Variants in CADPS2 observed in about 807,000 individuals in gnomAD.
CADPS2 encodes calcium dependent secretion activator 2, also known as calcium-dependent secretion activator 2.
A neutral mutation model predicts 172.5 loss-of-function variants in CADPS2; 93 were observed. The ratio of observed to expected loss-of-function variants is 0.54; its 90% CI spans 0.46 to 0.64. CADPS2 has a LOEUF of 0.64. Among genes scored for constraint, CADPS2 ranks in the 30% least tolerant of loss-of-function variants. The probability of loss-of-function intolerance (pLI) is 0.00; values close to 1 mark genes in which losing one functional copy is unlikely to be tolerated. For synonymous variants in CADPS2, 546 were observed against 555.2 expected, an observed-to-expected ratio of 0.98 and a Z score of 0.23; for missense variants, 1,420 against 1,565.9, an observed-to-expected ratio of 0.91 and a Z score of 1.57.
rs1435297422 is a variant in CADPS2 at position 122,681,286 on chromosome 7, G to A, written c.454-17717C>T. ...TAAAACTTAAAGTATAATAATAAAA[G>A]AAAGAGCTCTCCGGTCCGTGCCTCC... On this transcript the variant is annotated intron_variant, in intron 2 of 29. Transcript: ENST00000449022. 7 of 905,968 alleles carry A rather than the reference G, an allele frequency of 7.7e-6. No individual in the cohort carries two copies. The East Asian group carries it at 1.7e-4, about 22-fold the overall frequency. The allele number at this position is 905,968 out of a possible 1,614,324, so 56.1% of individuals were successfully genotyped here.
chr7:122,720,495 T>C (rs181005181), intron 2 of CADPS2, among the ~76,000 whole-genome samples: 2 of 151,226 alleles, frequency 1.3e-5, no homozygotes, highest in African/African-American at 4.8e-5. Context: ...TATATGTATA[T>C]GTATATACGT....
At chr7:122,532,040 A>C (rs34434974) in intron 8 of CADPS2, among the ~76,000 whole-genome samples, 30,451 of 151,760 alleles carry the variant, frequency 0.2, 3,283 homozygotes, top group East Asian at 0.34. Context: ...CAAAAAAAAA[A>C]AAAACAAAAC....
chr7:122,702,459 C>T (rs1389041967), intron 2 of CADPS2: 1 of 1,613,752 alleles, frequency 6.2e-7, no homozygotes, highest in Non-Finnish European at 8.5e-7. Context: ...CATGAGTCTG[C>T]CTGTTTGGGC....
intron 1 of CADPS2, among the ~76,000 whole-genome samples, chr7:122,839,055 A>T (rs1217528010): frequency 6.6e-6 from 1 of 152,228 alleles, no homozygotes; most frequent in Non-Finnish European, 1.5e-5. Flanking sequence ...TCACCAAAAC[A>T]GCACGGTGCT....
At position 122,681,063 on chromosome 7, in the gene CADPS2, G is replaced by C. The variant is rs1339690580; in HGVS notation, c.454-17494C>G. Among the ~76,000 whole-genome samples the C allele has an allele frequency of 2.0e-5, 3 of 148,404 alleles. No individual in the cohort carries two copies. The East Asian group carries it at 6.1e-4, about 30-fold the overall frequency. On this transcript the variant is annotated intron_variant, in intron 2 of 29. Coordinates refer to ENST00000449022, the MANE Select transcript of CADPS2 (RefSeq NM_017954.11). ...CAAACACCGCATATTCTCACTCATA[G>C]GTGGGAATTGAACAATGAGACCACA...
rs79625128 is a variant in CADPS2 at position 122,684,692 on chromosome 7, A to C, written c.454-21123T>G. 5.9e-4 allele frequency among the ~76,000 whole-genome samples: 90 copies of C among 152,318 alleles called. 1 individual carries two copies. The highest frequency in any genetic ancestry group is 2.1e-3 in the African/African-American group (89 of 41,574). On this transcript the variant is annotated intron_variant, in intron 2 of 29. Transcript: ENST00000449022. ...CACTTGAGAAGATGGGTGATATGCC[A>C]ATGTTAACAAGGAAGTTGGGAGGAA...
intron 1 of CADPS2, among the ~76,000 whole-genome samples, chr7:122,842,269 C>A (rs1278221920): frequency 1.3e-5 from 2 of 152,168 alleles, no homozygotes; most frequent in African/African-American, 4.8e-5. Flanking sequence ...CAGGGGAAAG[C>A]CTCTAGAGCA....
intron 1 of CADPS2, among the ~76,000 whole-genome samples, chr7:122,859,856 A>G (rs528390034): frequency 6.6e-6 from 1 of 152,110 alleles, no homozygotes; most frequent in Non-Finnish European, 1.5e-5. Context: ...TTTCCCAAGT[A>G]TCTTCAATCT....
chr7:122,597,263 A>G (rs1587707509), intron 6 of CADPS2, among the ~76,000 whole-genome samples: 3 of 152,240 alleles, frequency 2.0e-5, no homozygotes. Context: ...AGAAACACTA[A>G]TAAGTCCTGC....
intron 8 of CADPS2, 53 bp from the exon 9 acceptor site, chr7:122,513,368 T>C: frequency 7.5e-6 from 10 of 1,332,004 alleles, no homozygotes; most frequent in Non-Finnish European, 1.0e-5. Flanking sequence ...ATGTTGTGCT[T>C]CCATGTAATC....
At chr7:122,405,156 A>G (rs1336653675) in intron 20 of CADPS2, among the ~76,000 whole-genome samples, 1 of 152,058 alleles carries the variant, frequency 6.6e-6, no homozygotes, top group East Asian at 1.9e-4. Context: ...AAACAAAAAT[A>G]CCTTACTTAC....
chr7:122,416,864 C>T (rs2151764688), intron 17 of CADPS2, among the ~76,000 whole-genome samples: 1 of 152,210 alleles, frequency 6.6e-6, no homozygotes, highest in South Asian at 2.1e-4. Flanking sequence ...ACAGAGAAGG[C>T]AAAGTAGTTA....
chr7:122,610,461 C>T (rs1382578300), intron 6 of CADPS2, among the ~76,000 whole-genome samples: 1 of 151,580 alleles, frequency 6.6e-6, no homozygotes, highest in Non-Finnish European at 1.5e-5. Context: ...ACAAAGACTA[C>T]ATATTGCATG....
chr7:122,828,135 T>C (rs1279937508), intron 1 of CADPS2, among the ~76,000 whole-genome samples: 1 of 152,218 alleles, frequency 6.6e-6, no homozygotes, highest in African/African-American at 2.4e-5. Flanking sequence ...GTGGTAGGTT[T>C]ACCCTGTCAT....
At chr7:122,810,975 A>G (rs1799900651) in intron 1 of CADPS2, among the ~76,000 whole-genome samples, 1 of 152,216 alleles carries the variant, frequency 6.6e-6, no homozygotes, top group South Asian at 2.1e-4. Context: ...GATGTTGGCA[A>G]CTAATATATT....
At chr7:122,510,059 G>A (rs35866765) in intron 9 of CADPS2, among the ~76,000 whole-genome samples, 8,184 of 152,076 alleles carry the variant, frequency 0.054, 285 homozygotes, top group African/African-American at 0.057. Context: ...AAAGGTAACA[G>A]ATTATTTTAT....
At chr7:122,484,492 A>C (rs1317537886) in intron 11 of CADPS2, among the ~76,000 whole-genome samples, 1 of 152,124 alleles carries the variant, frequency 6.6e-6, no homozygotes, top group African/African-American at 2.4e-5. Flanking sequence ...ACCATATATA[A>C]AAATTAACTG....
intron 7 of CADPS2, among the ~76,000 whole-genome samples, chr7:122,556,420 A>G (rs1157486323): frequency 6.6e-6 from 1 of 152,146 alleles, no homozygotes; most frequent in Admixed American, 6.6e-5. Flanking sequence ...TAAAAAAATT[A>G]TTTGGCATGA....
chr7:122,879,704 A>G (rs1285470054), intron 1 of CADPS2, among the ~76,000 whole-genome samples: 1 of 152,192 alleles, frequency 6.6e-6, no homozygotes, highest in East Asian at 1.9e-4. Flanking sequence ...TTGCCCCAGT[A>G]ATATTTTCAT....
Sources: gnomAD v4.1 joint callset for allele counts (sites outside exome capture counted in the v4.1 genomes callset) on GRCh38, gnomAD v4.1.1 for gene constraint, MANE v1.5 for transcripts, NCBI Gene and HGNC (gene_info 2026-07-23, HGNC 2026-07-21) for gene names.